DISP3: variants seen among roughly 807,000 people sequenced by gnomAD.
DISP3 encodes protein dispatched homolog 3.
Under a neutral mutation model 135.3 loss-of-function variants are expected in DISP3, and 101 were observed. That is an observed-to-expected ratio of 0.75 (90% CI 0.64 to 0.88). The LOEUF is 0.88. Ranked by LOEUF, DISP3 falls within the 40% of genes least tolerant of loss-of-function variation. DISP3 has a pLI of 0.00. For missense variants in DISP3, 1,713 were observed against 1,878.6 expected (o/e 0.91, Z 1.63); for synonymous variants, 856 against 817.0 (o/e 1.05, Z -0.81).
intron 2 of DISP3, among the ~76,000 whole-genome samples, chr1:11,502,427 A>T (rs1186360942): frequency 1.3e-5 from 2 of 152,216 alleles, no homozygotes; most frequent in African/African-American, 4.8e-5. Context: ...ATCTGGCCAT[A>T]GGAAGGCAGG....
intron 1 of DISP3, among the ~76,000 whole-genome samples, chr1:11,479,683 C>G (rs1033206560): frequency 2.0e-5 from 3 of 152,244 alleles, no homozygotes. Context: ...AACGGCAAGG[C>G]TTCCGACCTC....
chr1:11,485,550 G>A (rs1641015581), intron 1 of DISP3, among the ~76,000 whole-genome samples: 1 of 152,158 alleles, frequency 6.6e-6, no homozygotes, highest in Admixed American at 6.5e-5. Context: ...GCAAATTGGT[G>A]TTCCTGGGAG....
intron 7 of DISP3, among the ~76,000 whole-genome samples, chr1:11,518,417 C>T (rs1460834552): frequency 6.6e-6 from 1 of 152,254 alleles, no homozygotes; most frequent in Non-Finnish European, 1.5e-5. Flanking sequence ...CAGGTTGGCA[C>T]TGCACACAGG....
rs755065607 is a variant in DISP3, at chr1:11,515,481, C to T, written c.1566C>T (p.Ala522=). Residue 522 remains alanine, a synonymous_variant, in exon 5 of 21, where the codon GCC becomes GCT. Coordinates refer to ENST00000294484, the MANE Select transcript of DISP3 (RefSeq NM_020780.2). ...IQYLGILNGV[A]AFVIVGIGVD... ...ACTTGGGCATCCTGAATGGGGTGGCCGCCTTCGTGATCGTGGGCATTGGTG... is the reference window on the plus strand; with the variant it reads ...ACTTGGGCATCCTGAATGGGGTGGCTGCCTTCGTGATCGTGGGCATTGGTG... 1.9e-5 allele frequency: 31 copies of T among 1,610,112 alleles called. No individual in the cohort carries two copies. The Admixed American group carries it at 2.9e-4, about 15-fold the overall frequency.
At chr1:11,534,330 G>T (rs756664376) in intron 17 of DISP3, 51 bp from the exon 18 acceptor site, 1 of 1,602,810 alleles carries the variant, frequency 6.2e-7, no homozygotes, top group South Asian at 1.1e-5. Flanking sequence ...TGGGAAGGGC[G>T]GGTGGGCCAC....
At chr1:11,487,700 A>G (rs981875427) in intron 1 of DISP3, among the ~76,000 whole-genome samples, 3 of 152,160 alleles carry the variant, frequency 2.0e-5, no homozygotes, top group African/African-American at 7.2e-5. Flanking sequence ...CAGGTTCAGT[A>G]GAGAGACTGA....
In DISP3 at chr1:11,536,545, C is replaced by T. The variant is rs1453204548; in HGVS notation, c.4038C>T (p.Pro1346=). 3.1e-6 allele frequency: 5 copies of T among 1,612,776 alleles called. No homozygotes were observed. The highest frequency in any genetic ancestry group is 1.7e-6 in the Non-Finnish European group (2 of 1,179,974). The part of the protein sequence containing the change: ...VSTALLGIMA[P]SSFTRTRTSF... ...CCGCCCTGCTGGGCATCATGGCGCCCAGCTCTTTCACTCGGACCCGGACTT... is the reference window on the plus strand; with the variant it reads ...CCGCCCTGCTGGGCATCATGGCGCCTAGCTCTTTCACTCGGACCCGGACTT... Residue 1346 remains proline (P), a synonymous_variant, in exon 21 of 21, where the codon CCC becomes CCT. Transcript: ENST00000294484. This position sits in a 1 kb window ranked among gnomAD's most constrained non-coding sequence, Gnocchi z 4.3.
chr1:11,500,840 G>T (rs1641484633), intron 1 of DISP3, 150 bp from the exon 2 acceptor site: 2 of 822,174 alleles, frequency 2.4e-6, no homozygotes, highest in Admixed American at 2.8e-5. Flanking sequence ...TAATTCAGTT[G>T]TGTTGATGCA....
chr1:11,482,543 A>T (rs1338131771), intron 1 of DISP3, among the ~76,000 whole-genome samples: 3 of 152,174 alleles, frequency 2.0e-5, no homozygotes, highest in Non-Finnish European at 4.4e-5. Flanking sequence ...CAGCAATAAA[A>T]GTAGGCACCC....
chr1:11,508,949 T>C (rs1641780935), intron 3 of DISP3, among the ~76,000 whole-genome samples: 1 of 152,248 alleles, frequency 6.6e-6, no homozygotes, highest in Non-Finnish European at 1.5e-5. Flanking sequence ...TGGTTTATGC[T>C]ACATTTCATT....
rs745438852 is a variant in DISP3 at position 11,536,384 on chromosome 1, A to G, written c.3877A>G (p.Ile1293Val). 4 of 1,610,390 alleles carry G rather than the reference A, an allele frequency of 2.5e-6. No homozygotes were observed. Among genetic ancestry groups the G allele is most frequent in the Admixed American group, 1.7e-5 (1 of 60,004 alleles). ...LEAVRHVGVA[I>V]VSSALTTVIA... ...GGCCGTGCGGCACGTGGGCGTGGCC[A>G]TCGTCTCCAGTGCCCTCACCACGGT... The change falls in exon 21 of 21, where the codon ATC becomes GTC. Residue 1293 changes from isoleucine (I) to valine (V), a missense_variant. Coordinates refer to ENST00000294484, the MANE Select transcript of DISP3 (RefSeq NM_020780.2). This position sits in a 1 kb window ranked among gnomAD's most constrained non-coding sequence, Gnocchi z 4.3.
At chr1:11,502,163 C>G (rs1641560721) in intron 2 of DISP3, 75 bp downstream of exon 2, 1 of 1,464,656 alleles carries the variant, frequency 6.8e-7, no homozygotes, top group Admixed American at 2.6e-5. Context: ...TGGCCCAGGC[C>G]AGGCCCAGGC....
intron 3 of DISP3, among the ~76,000 whole-genome samples, chr1:11,512,308 C>T (rs536467191): frequency 5.4e-4 from 82 of 151,972 alleles, no homozygotes; most frequent in Non-Finnish European, 1.1e-3. Flanking sequence ...AACTTTTATG[C>T]TCTACTTCCC....
At chr1:11,527,639 T>C (rs370232360) in intron 13 of DISP3, among the ~76,000 whole-genome samples, 16 of 152,056 alleles carry the variant, frequency 1.1e-4, no homozygotes, top group East Asian at 3.9e-4. Flanking sequence ...GTGGAGAACA[T>C]TGGCAAAGAG....
At position 11,531,620 on chromosome 1, in the gene DISP3, C is replaced by G. The variant is rs376865683; in HGVS notation, c.3285C>G (p.Pro1095=). ...TGCACCCTGAGTGCAAGGAGCTGCCCGAGCCCAACCTGCTCCCGGGGCAGC... is the reference window on the plus strand; with the variant it reads ...TGCACCCTGAGTGCAAGGAGCTGCCGGAGCCCAACCTGCTCCCGGGGCAGC... The part of the protein sequence containing the change: ...QMLHPECKEL[P]EPNLLPGQLS... The change falls in exon 17 of 21, where the codon CCC becomes CCG. Residue 1095 remains proline (P), a synonymous_variant. Coordinates refer to ENST00000294484, the MANE Select transcript of DISP3 (RefSeq NM_020780.2). This position sits in a 1 kb window ranked among gnomAD's most constrained non-coding sequence, Gnocchi z 5.2. The G allele has an allele frequency of 8.7e-6, 14 of 1,613,348 alleles. No individual in the cohort carries two copies. The East Asian group carries it at 2.9e-4, about 33-fold the overall frequency.
Position 11,536,425 on chromosome 1 carries a change from C to T in DISP3, c.3918C>T (p.Pro1306=), listed in dbSNP as rs1262101356. 6.2e-7 allele frequency: 1 copy of T among 1,613,200 alleles called. No homozygotes were observed. Among genetic ancestry groups the T allele is most frequent in the Non-Finnish European group, 8.5e-7 (1 of 1,179,990 alleles). The change falls in exon 21 of 21, where the codon CCC becomes CCT. Residue 1306 remains proline, a synonymous_variant. Transcript: ENST00000294484. This position sits in a 1 kb window ranked among gnomAD's most constrained non-coding sequence, Gnocchi z 4.3. ...TCACCACGGTCATCGCCACAGTGCC[C>T]CTCTTCTTCTGCATCATCGCCCCAT... ...SALTTVIATV[P]LFFCIIAPFA...
intron 3 of DISP3, among the ~76,000 whole-genome samples, chr1:11,509,567 T>A (rs537023380): frequency 6.6e-6 from 1 of 152,342 alleles, no homozygotes; most frequent in South Asian, 2.1e-4. Flanking sequence ...TCATGTATTT[T>A]AAAACTCTGT....
At chr1:11,485,339 G>A (rs1314397234) in intron 1 of DISP3, among the ~76,000 whole-genome samples, 4 of 152,196 alleles carry the variant, frequency 2.6e-5, no homozygotes, top group Non-Finnish European at 5.9e-5. Context: ...GGGTGCAGTG[G>A]AGAAGGCTCA....
rs1641553560 is a variant in DISP3, at chr1:11,502,045, G to A, written c.1053G>A (p.Lys351=). 1 of 1,598,664 alleles carries A rather than the reference G, an allele frequency of 6.3e-7. No homozygotes were observed. The highest frequency in any genetic ancestry group is 8.5e-7 in the Non-Finnish European group (1 of 1,172,182). The change falls in exon 2 of 21, where the codon AAG becomes AAA. Residue 351 remains lysine, a synonymous_variant. Coordinates refer to ENST00000294484, the MANE Select transcript of DISP3 (RefSeq NM_020780.2). Reference sequence around the variant, plus strand: ...TTTTTCCCACCGAGAGGGGCGGCAAGATCTACTATGACGGCATGGGCCAGG... The same window carrying A: ...TTTTTCCCACCGAGAGGGGCGGCAAAATCTACTATGACGGCATGGGCCAGG... ...TYFFPTERGG[K]IYYDGMGQDL... is the part of the protein sequence containing the mutation.
Sources: allele counts gnomAD v4.1 joint callset (sites outside exome capture counted in the v4.1 genomes callset), GRCh38; gene constraint gnomAD v4.1.1; non-coding constraint Gnocchi (gnomAD v3.1); transcripts MANE v1.5; gene names NCBI Gene and HGNC (gene_info 2026-07-23, HGNC 2026-07-21).